The following GNAO1 variants were observed in gnomAD, a reference collection of about 807,000 sequenced individuals.
GNAO1 encodes G protein subunit alpha o1.
For missense variants in GNAO1, 166 were observed against 478.7 expected (o/e 0.35, Z 6.10); for synonymous variants, 164 against 180.7 (o/e 0.91, Z 0.74).
intron 2 of GNAO1, among the ~76,000 whole-genome samples, chr16:56,194,989 C>T (rs568845293): frequency 6.6e-6 from 1 of 151,658 alleles, no homozygotes; most frequent in South Asian, 2.1e-4. Flanking sequence ...TTGGTTACAC[C>T]GAGGAGGGGG....
intron 2 of GNAO1, among the ~76,000 whole-genome samples, chr16:56,235,675 T>C (rs1036977686): frequency 9.9e-5 from 15 of 152,220 alleles, no homozygotes; most frequent in Non-Finnish European, 2.1e-4. Context: ...CTGTCAGGAC[T>C]GTCCTGCTGT....
chr16:56,285,214 T>C (rs767051017), intron 3 of GNAO1, among the ~76,000 whole-genome samples: 5 of 152,230 alleles, frequency 3.3e-5, no homozygotes, highest in Non-Finnish European at 7.3e-5. Flanking sequence ...TGCCTTGCGC[T>C]TGTGTGCTCT....
intron 3 of GNAO1, among the ~76,000 whole-genome samples, chr16:56,277,421 A>T (rs988402307): frequency 6.6e-6 from 1 of 152,178 alleles, no homozygotes; most frequent in Non-Finnish European, 1.5e-5. Context: ...GGTGCTGTGG[A>T]TACAGGAATG....
intron 2 of GNAO1, among the ~76,000 whole-genome samples, chr16:56,273,384 A>G (rs2037035037): frequency 6.6e-6 from 1 of 151,992 alleles, no homozygotes; most frequent in Admixed American, 6.6e-5. Context: ...GTTCTTTTTA[A>G]TGTCTTCCAT....
rs2037918934 is a variant in GNAO1, at chr16:56,351,320, C to G, written c.724-64C>G. 1 of 1,222,760 alleles carries G rather than the reference C, an allele frequency of 8.2e-7. No homozygotes were observed. Among genetic ancestry groups the G allele is most frequent in the African/African-American group, 1.5e-5 (1 of 67,762 alleles). The allele number at this position is 1,222,760 out of a possible 1,614,324, so 75.7% of individuals were successfully genotyped here. A position where few individuals can be genotyped will look rare whatever the true frequency, so the allele number is the denominator to read the frequency against. ...CTGTCAAGCCTAATTCTCTCCTTCT[C>G]TTTCCCTGTCTCTGTGTCTCCCTCC... is the stretch of plus-strand genomic sequence containing the variant. On this transcript the variant is annotated intron_variant, in intron 6 of 8. Coordinates refer to ENST00000262493, the MANE Select transcript of GNAO1 (RefSeq NM_020988.3). This position sits in a 1 kb window ranked among gnomAD's most constrained non-coding sequence, Gnocchi z 6.1.
chr16:56,343,960 C>T, intron 6 of GNAO1: 1 of 1,612,060 alleles, frequency 6.2e-7, no homozygotes, highest in South Asian at 1.1e-5. Context: ...AGCCCAGCCG[C>T]CCTGCCCGGC....
intron 2 of GNAO1, 22 bp downstream of exon 2, chr16:56,192,638 A>T (rs1227060889): frequency 6.8e-7 from 1 of 1,463,386 alleles, no homozygotes; most frequent in Non-Finnish European, 9.6e-7. Context: ...TGGCATTGGG[A>T]TTCGTACTTT....
chr16:56,267,168 G>A (rs750674529), intron 2 of GNAO1, among the ~76,000 whole-genome samples: 29 of 152,290 alleles, frequency 1.9e-4, no homozygotes, highest in Non-Finnish European at 2.8e-4. Flanking sequence ...GGGTCCAGGC[G>A]GGGCTCTCTC....
chr16:56,290,284 G>A (rs1427672339), intron 3 of GNAO1, among the ~76,000 whole-genome samples: 1 of 152,168 alleles, frequency 6.6e-6, no homozygotes, highest in Non-Finnish European at 1.5e-5. Flanking sequence ...TTTGATCAAT[G>A]TTTGTGCCCC....
At chr16:56,342,881 G>C (rs2037819462) in intron 6 of GNAO1, among the ~76,000 whole-genome samples, 1 of 152,192 alleles carries the variant, frequency 6.6e-6, no homozygotes, top group African/African-American at 2.4e-5. Context: ...GGGAGGCCGA[G>C]GAGGGTGGGT....
chr16:56,272,263 T>C (rs1372056088), intron 2 of GNAO1, among the ~76,000 whole-genome samples: 5 of 151,978 alleles, frequency 3.3e-5, no homozygotes, highest in African/African-American at 1.2e-4. Flanking sequence ...GAGCCGAGAT[T>C]GCGCCGCTGC....
intron 2 of GNAO1, chr16:56,194,476 T>C (rs2036212815): frequency 2.9e-6 from 1 of 341,604 alleles, no homozygotes; most frequent in African/African-American, 2.2e-5. Flanking sequence ...TTTCAGGCGT[T>C]GCAAGTGGTG....
intron 2 of GNAO1, among the ~76,000 whole-genome samples, chr16:56,220,759 G>A (rs1357762978): frequency 2.0e-5 from 3 of 151,992 alleles, no homozygotes; most frequent in East Asian, 3.9e-4. Context: ...TGTTGTTGTT[G>A]TTGTTTGAGA....
At chr16:56,228,268 G>T (rs372001763) in intron 2 of GNAO1, among the ~76,000 whole-genome samples, 1 of 152,142 alleles carries the variant, frequency 6.6e-6, no homozygotes, top group Non-Finnish European at 1.5e-5. Context: ...GGAATAGGCC[G>T]AGACATACCC....
chr16:56,197,542 G>C (rs2036244255), intron 2 of GNAO1, among the ~76,000 whole-genome samples: 1 of 152,196 alleles, frequency 6.6e-6, no homozygotes, highest in African/African-American at 2.4e-5. Context: ...GAATTCTTGA[G>C]CCTGGGTTAC....
intron 2 of GNAO1, among the ~76,000 whole-genome samples, chr16:56,262,723 G>A (rs965059274): frequency 2.6e-5 from 4 of 152,174 alleles, no homozygotes; most frequent in Non-Finnish European, 4.4e-5. Flanking sequence ...AGCAGAATAC[G>A]AAAGGGAGAT....
At chr16:56,197,897 C>T (rs1264135072) in intron 2 of GNAO1, among the ~76,000 whole-genome samples, 1 of 152,136 alleles carries the variant, frequency 6.6e-6, no homozygotes, top group Non-Finnish European at 1.5e-5. Context: ...CCGATATGTG[C>T]TCAGCCCATC....
intron 3 of GNAO1, chr16:56,301,886 C>A (rs1567475431): frequency 6.6e-6 from 1 of 152,146 alleles, no homozygotes; most frequent in African/African-American, 2.4e-5. Flanking sequence ...GTCACCACCC[C>A]CAATTTACAG....
In GNAO1 at chr16:56,326,065, A is replaced by T. The variant is rs541670374; in HGVS notation, c.304-2566A>T. Among the ~76,000 whole-genome samples the T allele has an allele frequency of 2.8e-4, 43 of 152,316 alleles. No homozygotes were observed. Among genetic ancestry groups the T allele is most frequent in the Admixed American group, 2.7e-3 (42 of 15,298 alleles). The stretch of plus-strand genomic sequence containing the variant: ...CCACACCTGGTTCCCAGGGCCTGGC[A>T]TGGACTGGAAGCTGGCCTGGGCTCC... On this transcript the variant is annotated intron_variant, in intron 3 of 8. Transcript: ENST00000262493. The surrounding 1 kb of genome is among the most constrained non-coding windows in gnomAD (Gnocchi z 4.8).
Sources: gnomAD v4.1 joint callset for allele counts (sites outside exome capture counted in the v4.1 genomes callset) on GRCh38, gnomAD v4.1.1 for gene constraint, Gnocchi (gnomAD v3.1) non-coding constraint, MANE v1.5 for transcripts, NCBI Gene and HGNC (gene_info 2026-07-23, HGNC 2026-07-21) for gene names.